SLC14A2: variants seen among roughly 807,000 people sequenced by gnomAD.
The protein encoded by SLC14A2 is solute carrier family 14 member 2.
In SLC14A2, 91 loss-of-function variants were observed where a neutral mutation model predicts 104.6. The ratio of observed to expected loss-of-function variants is 0.87; its 90% CI spans 0.73 to 1.04. The LOEUF is 1.04. SLC14A2 is among the 50% of genes least tolerant of loss of function. The probability of loss-of-function intolerance (pLI) is 0.00; values close to 1 mark genes in which losing one functional copy is unlikely to be tolerated. For synonymous variants in SLC14A2, 476 were observed against 466.4 expected (o/e 1.02, Z -0.27); for missense variants, 1,189 against 1,156.0 (o/e 1.03, Z -0.41).
At chr18:45,522,373 G>A (rs1391513097) in intron 2 of SLC14A2, among the ~76,000 whole-genome samples, 5 of 152,114 alleles carry the variant, frequency 3.3e-5, no homozygotes, top group Admixed American at 1.3e-4. Flanking sequence ...AGGTAACCCC[G>A]GAAGGTGCAC....
chr18:45,493,586 G>A (rs987448440), intron 2 of SLC14A2, among the ~76,000 whole-genome samples: 6 of 152,360 alleles, frequency 3.9e-5, no homozygotes, highest in Non-Finnish European at 8.8e-5. Flanking sequence ...CAAGGAAAGA[G>A]CCAGGATTTG....
chr18:45,227,798 C>T (rs1302663386), intron 1 of SLC14A2, among the ~76,000 whole-genome samples: 1 of 152,184 alleles, frequency 6.6e-6, no homozygotes, highest in Non-Finnish European at 1.5e-5. Flanking sequence ...AGCCAAGCTT[C>T]ATCTTTACAG....
At chr18:45,581,432 A>G (rs2044491030) in intron 2 of SLC14A2, among the ~76,000 whole-genome samples, 1 of 152,202 alleles carries the variant, frequency 6.6e-6, no homozygotes, top group South Asian at 2.1e-4. Context: ...GAGAGAGTTG[A>G]GAAGTAGCAA....
At chr18:45,630,508 C>T (rs2045326045) in intron 4 of SLC14A2, among the ~76,000 whole-genome samples, 3 of 152,178 alleles carry the variant, frequency 2.0e-5, no homozygotes, top group Admixed American at 6.5e-5. Flanking sequence ...CTTTTTGGCA[C>T]TGGAGTTGAA....
intron 1 of SLC14A2, among the ~76,000 whole-genome samples, chr18:45,434,000 G>T (rs1165980294): frequency 6.6e-6 from 1 of 152,090 alleles, no homozygotes; most frequent in Non-Finnish European, 1.5e-5. Context: ...TTCCCTCAAT[G>T]GCAGATAGTC....
At chr18:45,532,635 A>G (rs1381626901) in intron 2 of SLC14A2, among the ~76,000 whole-genome samples, 1 of 151,990 alleles carries the variant, frequency 6.6e-6, no homozygotes, top group African/African-American at 2.4e-5. Flanking sequence ...CAATCATGTC[A>G]TCTGCAAACA....
chr18:45,235,607 A>G (rs947992498), intron 1 of SLC14A2, among the ~76,000 whole-genome samples: 1 of 151,688 alleles, frequency 6.6e-6, no homozygotes, highest in African/African-American at 2.4e-5. Flanking sequence ...AGTAGCTACT[A>G]TTCTACTCTC....
intron 1 of SLC14A2, among the ~76,000 whole-genome samples, chr18:45,395,493 T>C (rs2144429511): frequency 6.6e-6 from 1 of 152,296 alleles, no homozygotes; most frequent in African/African-American, 2.4e-5. Flanking sequence ...GTGCATATAG[T>C]TAACAAAACT....
At chr18:45,410,953 A>G (rs2086208619) in intron 1 of SLC14A2, among the ~76,000 whole-genome samples, 1 of 152,220 alleles carries the variant, frequency 6.6e-6, no homozygotes, top group Non-Finnish European at 1.5e-5. Context: ...ATCCAGGACC[A>G]TAAACTTCTT....
intron 1 of SLC14A2, among the ~76,000 whole-genome samples, chr18:45,463,807 T>C (rs549990725): frequency 6.6e-5 from 10 of 152,272 alleles, no homozygotes; most frequent in African/African-American, 2.4e-4. Context: ...CCGTGACACA[T>C]GGCAGACCCT....
intron 1 of SLC14A2, among the ~76,000 whole-genome samples, chr18:45,349,462 T>C (rs2085481144): frequency 2.0e-5 from 3 of 152,188 alleles, no homozygotes; most frequent in Admixed American, 2.0e-4. Context: ...TTTGATTGGC[T>C]GGCCACATTC....
chr18:45,276,774 C>T (rs933633453), intron 1 of SLC14A2, among the ~76,000 whole-genome samples: 2 of 152,160 alleles, frequency 1.3e-5, no homozygotes, highest in African/African-American at 4.8e-5. Context: ...CTGCAACCTC[C>T]AATGCAAAAC....
intron 2 of SLC14A2, among the ~76,000 whole-genome samples, chr18:45,530,537 G>T (rs1403047854): frequency 6.6e-6 from 1 of 151,978 alleles, no homozygotes; most frequent in African/African-American, 2.4e-5. Context: ...TGCTATTCAG[G>T]TTCTCCATAT....
chr18:45,670,646 CTA>C (rs1452833162), intron 16 of SLC14A2, among the ~76,000 whole-genome samples: 1 of 152,104 alleles, frequency 6.6e-6, no homozygotes, highest in Non-Finnish European at 1.5e-5. Flanking sequence ...AGCAAGAAAA[CTA>C]TTCGATTTTG....
At chr18:45,437,641 C>T (rs1455360807) in intron 1 of SLC14A2, among the ~76,000 whole-genome samples, 1 of 152,214 alleles carries the variant, frequency 6.6e-6, no homozygotes, top group African/African-American at 2.4e-5. Context: ...CGCCCTCCAG[C>T]CGCACCAGCA....
chr18:45,624,290 C>A (rs573041196), intron 1 of SLC14A2, among the ~76,000 whole-genome samples: 2 of 152,254 alleles, frequency 1.3e-5, no homozygotes, highest in East Asian at 3.9e-4. Flanking sequence ...GGGGAACATA[C>A]GTGTACCACT....
At chr18:45,225,181 A>G (rs922577177) in intron 1 of SLC14A2, among the ~76,000 whole-genome samples, 22 of 152,062 alleles carry the variant, frequency 1.4e-4, no homozygotes, top group Non-Finnish European at 3.2e-4. Context: ...AGGTGTAAGG[A>G]AGGGATCCAG....
chr18:45,248,003 G>A (rs2084383831), intron 1 of SLC14A2, among the ~76,000 whole-genome samples: 1 of 152,144 alleles, frequency 6.6e-6, no homozygotes, highest in African/African-American at 2.4e-5. Flanking sequence ...TGCCTAAACT[G>A]GCTCTGGTTG....
At chr18:45,529,786 C>T (rs2043653128) in intron 2 of SLC14A2, 1 of 152,156 alleles carries the variant, frequency 6.6e-6, no homozygotes, top group Non-Finnish European at 1.5e-5. Flanking sequence ...AATTCCATCT[C>T]TGAAGCCCTT....
Sources: allele counts gnomAD v4.1 joint callset (sites outside exome capture counted in the v4.1 genomes callset), GRCh38; gene constraint gnomAD v4.1.1; transcripts MANE v1.5; gene names NCBI Gene and HGNC (gene_info 2026-07-23, HGNC 2026-07-21).